The following ATP2C2 variants were observed in gnomAD, a reference collection of about 807,000 sequenced individuals.
The protein encoded by ATP2C2 is calcium-transporting ATPase type 2C member 2.
In ATP2C2, 171 loss-of-function variants were observed where a neutral mutation model predicts 110.8. That is an observed-to-expected ratio of 1.54 (90% CI 1.36 to 1.75). The LOEUF (loss-of-function observed/expected upper bound fraction) is 1.75, where lower values mean the gene tolerates loss of function less well. Ranked by LOEUF, ATP2C2 falls within the 40% of genes most tolerant of loss-of-function variation. ATP2C2 has a pLI of 0.00. For missense variants in ATP2C2, 1,963 were observed against 1,235.0 expected, an observed-to-expected ratio of 1.59 and a Z score of -8.84; for synonymous variants, 804 against 508.4, an observed-to-expected ratio of 1.58 and a Z score of -7.82.
In ATP2C2 at chr16:84,398,523, G is replaced by A; in HGVS notation, c.124G>A (p.Ala42Thr). 6.2e-7 allele frequency: 1 copy of A among 1,613,044 alleles called. No homozygotes were observed. The highest frequency in any genetic ancestry group is 8.5e-7 in the Non-Finnish European group (1 of 1,179,670). Reference protein sequence around the residue: ...ALIDEQSELKAIEKEKKVTAL... With the variant: ...ALIDEQSELKTIEKEKKVTAL... ...GATTGATGAACAGAGTGAGCTGAAA[G>A]CCATCGAGAAAGAGAAGAAGGTGAC... The change falls in exon 2 of 27, where the codon GCC becomes ACC. Residue 42 changes from alanine (A) to threonine (T), a missense_variant. Transcript: ENST00000262429.
In ATP2C2 at chr16:84,430,852, G is replaced by A. The variant is rs146538337; in HGVS notation, c.986+5051G>A. 1.7e-3 allele frequency among the ~76,000 whole-genome samples: 260 copies of A among 152,150 alleles called. 2 individuals carry two copies. Among genetic ancestry groups the A allele is most frequent in the African/African-American group, 5.9e-3 (246 of 41,494 alleles). ...ATGGGATCAGGGCATGGAAGAGACA[G>A]ACTTCAAACCACTGAAGCCTGATCC... On this transcript the variant is annotated intron_variant, in intron 11 of 26. Transcript: ENST00000262429.
chr16:84,395,992 G>A (rs904695114), intron 1 of ATP2C2, among the ~76,000 whole-genome samples: 1 of 151,998 alleles, frequency 6.6e-6, no homozygotes, highest in Non-Finnish European at 1.5e-5. Flanking sequence ...TCCCCAGCCC[G>A]GTTACCTCTG....
intron 20 of ATP2C2, among the ~76,000 whole-genome samples, chr16:84,453,603 C>A (rs902787958): frequency 5.9e-5 from 9 of 152,148 alleles, no homozygotes; most frequent in African/African-American, 1.9e-4. Context: ...TCTGAAGTTG[C>A]CAGCAACACT....
intron 10 of ATP2C2, among the ~76,000 whole-genome samples, chr16:84,425,048 AAACT>A (rs1158491537): frequency 6.6e-6 from 1 of 152,176 alleles, no homozygotes; most frequent in Non-Finnish European, 1.5e-5. Flanking sequence ...GCCCAAAACA[AAACT>A]AACAGATACT....
At chr16:84,389,578 C>T (rs1324158177) in intron 1 of ATP2C2, among the ~76,000 whole-genome samples, 6 of 152,170 alleles carry the variant, frequency 3.9e-5, no homozygotes, top group Non-Finnish European at 7.3e-5. Context: ...TTCTTAAACG[C>T]GGCAGCCCTC....
At chr16:84,419,647 C>CTG (rs1555559688) in intron 7 of ATP2C2, among the ~76,000 whole-genome samples, 4 of 4,466 alleles carry the variant, frequency 9.0e-4, no homozygotes, top group Non-Finnish European at 3.5e-3. Context: ...TCCTCCCTTC[C>CTG]CTTGGGGCCC....
In ATP2C2 at chr16:84,375,337, T is replaced by C. The variant is rs554437576; in HGVS notation, c.99+6623T>C. Among the ~76,000 whole-genome samples the C allele has an allele frequency of 2.3e-3, 346 of 151,802 alleles. 1 individual carries two copies. Among genetic ancestry groups the C allele is most frequent in the African/African-American group, 8.2e-3 (339 of 41,394 alleles). On this transcript the variant is annotated intron_variant, in intron 1 of 26. Coordinates refer to ENST00000262429, the MANE Select transcript of ATP2C2 (RefSeq NM_014861.4). ...TGCGTGGATCACTTGAGGTCAGGAG[T>C]TCGAGACCAGCCTGACCAACGTGGT...
chr16:84,434,783 G>T (rs564110605), intron 11 of ATP2C2, among the ~76,000 whole-genome samples: 1 of 152,272 alleles, frequency 6.6e-6, no homozygotes, highest in African/African-American at 2.4e-5. Flanking sequence ...GTTTCAAAGT[G>T]CTGGGAATGC....
At chr16:84,455,241 A>G (rs72806645) in intron 21 of ATP2C2, among the ~76,000 whole-genome samples, 15,369 of 152,050 alleles carry the variant, frequency 0.1, 1,007 homozygotes, top group Non-Finnish European at 0.14. Flanking sequence ...TATGAAGCAG[A>G]GATGGGATTT....
chr16:84,428,202 T>A (rs911308530), intron 11 of ATP2C2, among the ~76,000 whole-genome samples: 13 of 152,246 alleles, frequency 8.5e-5, no homozygotes, highest in Non-Finnish European at 1.6e-4. Context: ...GGGTTGAGTG[T>A]ACTGGGTCTG....
At chr16:84,400,694 A>C (rs1045497825) in intron 2 of ATP2C2, among the ~76,000 whole-genome samples, 3 of 152,106 alleles carry the variant, frequency 2.0e-5, no homozygotes, top group African/African-American at 7.2e-5. Flanking sequence ...TCCTACCAAC[A>C]GTGTACAAGG....
intron 1 of ATP2C2, among the ~76,000 whole-genome samples, chr16:84,392,291 C>T (rs951345818): frequency 6.6e-6 from 1 of 152,132 alleles, no homozygotes; most frequent in Non-Finnish European, 1.5e-5. Context: ...TTACCATTAT[C>T]ATATCATAAA....
intron 6 of ATP2C2, among the ~76,000 whole-genome samples, chr16:84,412,847 G>C (rs1480890456): frequency 6.6e-6 from 1 of 152,050 alleles, no homozygotes. Flanking sequence ...TGTAATCCCA[G>C]CACTTTGGGA....
chr16:84,449,828 AAATG>A (rs1910095213), intron 17 of ATP2C2, among the ~76,000 whole-genome samples: 1 of 152,222 alleles, frequency 6.6e-6, no homozygotes, highest in African/African-American at 2.4e-5. Context: ...TCTGCTGACG[AAATG>A]GCTCACTTAA....
rs117929276 is a variant in ATP2C2 at position 84,385,573 on chromosome 16, C to G, written c.100-12926C>G. On this transcript the variant is annotated intron_variant, in intron 1 of 26. Transcript: ENST00000262429. ...AGGAATGCAAGGACTCTGTATTAGT[C>G]CACTCTCATGCTGCTATGAAGAAAT... is the stretch of plus-strand genomic sequence containing the variant. Among the ~76,000 whole-genome samples the G allele has an allele frequency of 2.1e-3, 313 of 152,252 alleles. 5 individuals are homozygous for G. In the East Asian group the frequency reaches 0.04, roughly 20 times the overall value.
Position 84,439,137 on chromosome 16 carries a change from G to T in ATP2C2, c.987-29G>T. 3 of 1,611,624 alleles carry T rather than the reference G, an allele frequency of 1.9e-6. No homozygotes were observed. In the South Asian group the frequency reaches 3.3e-5, roughly 18 times the overall value. On this transcript the variant is annotated intron_variant, in intron 11 of 26. Coordinates refer to ENST00000262429, the MANE Select transcript of ATP2C2 (RefSeq NM_014861.4). ...AGTCACACACTCCTTAAATGTGTTA[G>T]AGGGGACTCATTTGACCTTTCGATC...
intron 1 of ATP2C2, among the ~76,000 whole-genome samples, chr16:84,393,247 AC>A (rs1904766945): frequency 1.3e-5 from 2 of 152,176 alleles, no homozygotes; most frequent in Admixed American, 1.3e-4. Context: ...ATTGGAATCA[AC>A]CCGGGGCAGA....
In ATP2C2 at chr16:84,460,831, C is replaced by T. The variant is rs200158585; in HGVS notation, c.2481+30C>T. ...GCGAGGGTCACCCCGGCCTGTTCTCCAAGCCCTGGTGCGGTGCAGACGCTG... is the reference window on the plus strand; with the variant it reads ...GCGAGGGTCACCCCGGCCTGTTCTCTAAGCCCTGGTGCGGTGCAGACGCTG... On this transcript the variant is annotated intron_variant, in intron 24 of 26. Transcript: ENST00000262429. 4.7e-5 allele frequency: 75 copies of T among 1,593,976 alleles called. No individual in the cohort carries two copies. The East Asian group carries it at 1.5e-3, about 31-fold the overall frequency.
In ATP2C2 at chr16:84,405,157, C is replaced by G. The variant is rs371041423; in HGVS notation, c.240C>G (p.Phe80Leu). Residue 80 changes from phenylalanine (F) to leucine (L), a missense_variant, in exon 3 of 27, where the codon TTC (phenylalanine) becomes TTG (leucine). Transcript: ENST00000262429. Reference sequence around the variant, plus strand: ...ACTTACACACTGGGCTGTCGGAGTTCTCGGTGACGCAGCGCCGGCTGGCCC... The same window carrying G: ...ACTTACACACTGGGCTGTCGGAGTTGTCGGTGACGCAGCGCCGGCTGGCCC... ...CVDLHTGLSE[F>L]SVTQRRLAHG... is the part of the protein sequence containing the mutation. The G allele has an allele frequency of 5.6e-6, 9 of 1,614,038 alleles. No individual in the cohort carries two copies. In the East Asian group the frequency reaches 8.9e-5, roughly 16 times the overall value.
Sources: gnomAD v4.1 joint callset for allele counts (sites outside exome capture counted in the v4.1 genomes callset) on GRCh38, gnomAD v4.1.1 for gene constraint, MANE v1.5 for transcripts, NCBI Gene and HGNC (gene_info 2026-07-23, HGNC 2026-07-21) for gene names.